Variants in SYNDIG1 observed in about 807,000 individuals in gnomAD.
The protein encoded by SYNDIG1 is synapse differentiation-inducing gene protein 1.
In SYNDIG1, 9 loss-of-function variants were observed where a neutral mutation model predicts 19.4. The observed-to-expected ratio is 0.46, with a 90% confidence interval of 0.28 to 0.81. SYNDIG1 has a LOEUF of 0.81. Ranked by LOEUF, SYNDIG1 falls within the 30% of genes least tolerant of loss-of-function variation. The probability of loss-of-function intolerance (pLI) is 0.12; values close to 1 mark genes in which losing one functional copy is unlikely to be tolerated. For missense variants in SYNDIG1, 311 were observed against 343.3 expected (o/e 0.91, Z 0.74); for synonymous variants, 141 against 145.9 (o/e 0.97, Z 0.24).
chr20:24,590,563 C>A (rs2058493411), intron 3 of SYNDIG1, among the ~76,000 whole-genome samples: 1 of 152,134 alleles, frequency 6.6e-6, no homozygotes, highest in Non-Finnish European at 1.5e-5. Context: ...CTGGGAATTT[C>A]ATAAGCAGTG....
chr20:24,536,298 G>A (rs569733011), intron 1 of SYNDIG1, among the ~76,000 whole-genome samples: 19 of 152,252 alleles, frequency 1.2e-4, no homozygotes, highest in Admixed American at 3.3e-4. Flanking sequence ...GGGTGTCAGC[G>A]CACTCAAAGG....
chr20:24,509,750 C>G (rs766813311), intron 1 of SYNDIG1, among the ~76,000 whole-genome samples: 1 of 152,180 alleles, frequency 6.6e-6, no homozygotes, highest in Non-Finnish European at 1.5e-5. Flanking sequence ...AAAATGTTCT[C>G]TCTCACAAAT....
At chr20:24,590,480 C>T (rs1276457242) in intron 3 of SYNDIG1, among the ~76,000 whole-genome samples, 1 of 151,952 alleles carries the variant, frequency 6.6e-6, no homozygotes, top group Non-Finnish European at 1.5e-5. Flanking sequence ...GAGAACAGGG[C>T]GGAGGGGGAG....
intron 1 of SYNDIG1, among the ~76,000 whole-genome samples, chr20:24,472,978 T>A (rs2055513207): frequency 6.6e-6 from 1 of 152,218 alleles, no homozygotes; most frequent in South Asian, 2.1e-4. Flanking sequence ...TAAAACCTTG[T>A]CTTTTCATGA....
chr20:24,505,157 G>T (rs2056556613), intron 1 of SYNDIG1, among the ~76,000 whole-genome samples: 1 of 152,194 alleles, frequency 6.6e-6, no homozygotes, highest in Non-Finnish European at 1.5e-5. Context: ...TCGGCACAGG[G>T]TAGGTAGGTG....
At chr20:24,574,490 A>G (rs1205033869) in intron 2 of SYNDIG1, among the ~76,000 whole-genome samples, 1 of 151,670 alleles carries the variant, frequency 6.6e-6, no homozygotes. Context: ...CTCTGTCTCT[A>G]AAATAAATAA....
At chr20:24,655,524 A>G (rs142067458) in intron 3 of SYNDIG1, among the ~76,000 whole-genome samples, 83 of 152,372 alleles carry the variant, frequency 5.4e-4, no homozygotes, top group African/African-American at 1.9e-3. Context: ...AGTAAATACC[A>G]GATGGATCCA....
intron 2 of SYNDIG1, among the ~76,000 whole-genome samples, chr20:24,582,963 G>C (rs920087715): frequency 6.6e-6 from 1 of 152,196 alleles, no homozygotes. Flanking sequence ...TGCCCTGCAG[G>C]CTTGTTGGGG....
intron 1 of SYNDIG1, among the ~76,000 whole-genome samples, chr20:24,536,165 G>A (rs747594604): frequency 6.6e-6 from 1 of 152,164 alleles, no homozygotes; most frequent in Admixed American, 6.5e-5. Flanking sequence ...AGAGGGGCGT[G>A]GCCATGCTGT....
intron 1 of SYNDIG1, among the ~76,000 whole-genome samples, chr20:24,500,452 G>T (rs1445999413): frequency 6.6e-6 from 1 of 151,830 alleles, no homozygotes; most frequent in African/African-American, 2.4e-5. Flanking sequence ...GCTGTTTCTA[G>T]TTGGAAAACA....
At chr20:24,561,938 G>C (rs550040996) in intron 2 of SYNDIG1, among the ~76,000 whole-genome samples, 1 of 152,302 alleles carries the variant, frequency 6.6e-6, no homozygotes, top group Non-Finnish European at 1.5e-5. Context: ...CTCTCTGTTG[G>C]AGCAGTCCCT....
intron 1 of SYNDIG1, among the ~76,000 whole-genome samples, chr20:24,527,138 A>T (rs984238348): frequency 1.3e-5 from 2 of 152,082 alleles, no homozygotes; most frequent in Non-Finnish European, 2.9e-5. Flanking sequence ...GAAGAGACTG[A>T]TCTTTCTCAT....
chr20:24,594,594 C>G (rs2058567306), intron 3 of SYNDIG1, among the ~76,000 whole-genome samples: 1 of 152,142 alleles, frequency 6.6e-6, no homozygotes, highest in Admixed American at 6.5e-5. Context: ...AGGAATGGCA[C>G]TAGATCTGTA....
chr20:24,541,804 G>T (rs1227989434), intron 1 of SYNDIG1, among the ~76,000 whole-genome samples: 1 of 152,194 alleles, frequency 6.6e-6, no homozygotes, highest in Non-Finnish European at 1.5e-5. Context: ...GTTATAAAGG[G>T]AATTGGAAGA....
intron 2 of SYNDIG1, among the ~76,000 whole-genome samples, chr20:24,582,077 C>A (rs573581762): frequency 2.9e-5 from 4 of 137,132 alleles, no homozygotes; most frequent in African/African-American, 1.1e-4. Flanking sequence ...TGTCCTCCCC[C>A]CTGCATGGCC....
At chr20:24,507,069 A>G (rs1278176308) in intron 1 of SYNDIG1, among the ~76,000 whole-genome samples, 2 of 152,130 alleles carry the variant, frequency 1.3e-5, no homozygotes, top group Non-Finnish European at 2.9e-5. Context: ...CTGGAAGTGG[A>G]GTGGGAAGTG....
intron 2 of SYNDIG1, among the ~76,000 whole-genome samples, chr20:24,576,333 A>G (rs977534603): frequency 6.6e-6 from 1 of 152,272 alleles, no homozygotes; most frequent in Admixed American, 6.5e-5. Context: ...AGGAATTAGA[A>G]TAAAGAGTGA....
chr20:24,524,225 G>A (rs966060142), intron 1 of SYNDIG1, among the ~76,000 whole-genome samples: 7 of 152,312 alleles, frequency 4.6e-5, no homozygotes, highest in African/African-American at 1.7e-4. Context: ...TCCTCTGCCA[G>A]CCCATGTTCC....
rs753824681 is a variant in SYNDIG1, at chr20:24,647,362, C to T, written c.619-17984C>T. ...CACAGGGCAGTGCATGCGGCAGAAT[C>T]GGGGGAATCTGCTTTGGGTACATAT... On this transcript the variant is annotated intron_variant, in intron 3 of 3. Coordinates refer to ENST00000376862, the MANE Select transcript of SYNDIG1 (RefSeq NM_024893.3). 9.9e-5 allele frequency among the ~76,000 whole-genome samples: 15 copies of T among 152,228 alleles called. No homozygotes were observed. The South Asian group carries it at 2.7e-3, about 27-fold the overall frequency.
Sources: gnomAD v4.1 joint callset for allele counts (sites outside exome capture counted in the v4.1 genomes callset) on GRCh38, gnomAD v4.1.1 for gene constraint, MANE v1.5 for transcripts, NCBI Gene and HGNC (gene_info 2026-07-23, HGNC 2026-07-21) for gene names.